KCNIP4: variants seen among roughly 807,000 people sequenced by gnomAD.
KCNIP4 encodes the protein Kv channel-interacting protein 4.
A neutral mutation model predicts 34.0 loss-of-function variants in KCNIP4; 12 were observed. The observed-to-expected ratio is 0.35, with a 90% CI of 0.23 to 0.57. KCNIP4 has a LOEUF of 0.57. KCNIP4 is among the 20% of genes least tolerant of loss of function. KCNIP4 has a pLI of 0.83. For synonymous variants in KCNIP4, 124 were observed against 102.2 expected (o/e 1.21, Z -1.29); for missense variants, 238 against 311.7 (o/e 0.76, Z 1.78).
In KCNIP4 at chr4:20,917,615, A is replaced by T. The variant is rs533162397; in HGVS notation, c.62-34906T>A. Among the ~76,000 whole-genome samples the T allele has an allele frequency of 4.5e-4, 68 of 152,294 alleles. 1 individual carries two copies. The highest frequency in any genetic ancestry group is 1.1e-3 in the African/African-American group (46 of 41,556). On this transcript the variant is annotated intron_variant, in intron 1 of 8. Transcript: ENST00000382152. ...AGATTTTTGAGAAAAAATTTTTTTT[A>T]AAATGTGCCAGGACTGAGACACTGA...
chr4:21,066,310 G>A (rs536376160), intron 1 of KCNIP4, among the ~76,000 whole-genome samples: 1 of 152,206 alleles, frequency 6.6e-6, no homozygotes, highest in Non-Finnish European at 1.5e-5. Context: ...AAGCAACATG[G>A]TCAAATAGAA....
intron 1 of KCNIP4, among the ~76,000 whole-genome samples, chr4:21,386,317 A>G (rs924715490): frequency 2.6e-5 from 4 of 152,100 alleles, no homozygotes; most frequent in East Asian, 1.9e-4. Context: ...TCTTTGTTTT[A>G]CTGTTTATGG....
At chr4:21,576,267 G>A (rs908849076) in intron 1 of KCNIP4, among the ~76,000 whole-genome samples, 5 of 152,062 alleles carry the variant, frequency 3.3e-5, no homozygotes, top group Non-Finnish European at 5.9e-5. Context: ...ATTTAAGACT[G>A]CTTCACATAA....
At chr4:21,282,934 A>C (rs578191264) in intron 1 of KCNIP4, among the ~76,000 whole-genome samples, 69 of 152,318 alleles carry the variant, frequency 4.5e-4, no homozygotes, top group Non-Finnish European at 7.2e-4. Context: ...GAGAACACCC[A>C]AATCTCCGTC....
chr4:20,986,148 G>C (rs984712011), intron 1 of KCNIP4, among the ~76,000 whole-genome samples: 5 of 152,116 alleles, frequency 3.3e-5, no homozygotes, highest in African/African-American at 9.7e-5. Context: ...AAACGACTTT[G>C]CTTTTCCCTG....
intron 1 of KCNIP4, among the ~76,000 whole-genome samples, chr4:21,325,248 GATAT>G (rs1030226846): frequency 2.1e-4 from 32 of 151,600 alleles, no homozygotes; most frequent in African/African-American, 7.0e-4. Context: ...TTTTTTCTTG[GATAT>G]TTTTTATTAC....
intron 1 of KCNIP4, among the ~76,000 whole-genome samples, chr4:21,156,592 C>G (rs1387241437): frequency 6.6e-6 from 1 of 152,118 alleles, no homozygotes; most frequent in Non-Finnish European, 1.5e-5. Context: ...GTAACTAACA[C>G]AGTAGGTGTT....
chr4:21,588,457 G>A (rs1437067331), intron 1 of KCNIP4, among the ~76,000 whole-genome samples: 3 of 151,956 alleles, frequency 2.0e-5, no homozygotes, highest in Non-Finnish European at 2.9e-5. Flanking sequence ...GGTATGTGAG[G>A]TTTACCTCCT....
At position 20,745,692 on chromosome 4, in the gene KCNIP4, A is replaced by T. The variant is rs117841768; in HGVS notation, c.429+3970T>A. Among the ~76,000 whole-genome samples the T allele has an allele frequency of 2.3e-3, 354 of 152,284 alleles. 8 individuals carry two copies. The South Asian group carries it at 0.046, about 20-fold the overall frequency. ...TCAAGGCAAAAGGAGAAAGACATAG[A>T]GATTTGACTTTATAATAGCCTAGAC... is the stretch of plus-strand genomic sequence containing the variant. On this transcript the variant is annotated intron_variant, in intron 5 of 8. Transcript: ENST00000382152.
chr4:21,775,424 G>C (rs1719109671), intron 1 of KCNIP4, among the ~76,000 whole-genome samples: 2 of 152,194 alleles, frequency 1.3e-5, no homozygotes, highest in South Asian at 4.1e-4. Flanking sequence ...ACCCCTGTTG[G>C]AAGTCCTCAC....
At chr4:21,130,834 T>C (rs769863793) in intron 1 of KCNIP4, among the ~76,000 whole-genome samples, 3 of 152,198 alleles carry the variant, frequency 2.0e-5, no homozygotes, top group Non-Finnish European at 2.9e-5. Context: ...AAGAAATGTA[T>C]AGATAATCAT....
intron 1 of KCNIP4, among the ~76,000 whole-genome samples, chr4:21,196,477 A>C (rs1334891412): frequency 6.6e-6 from 1 of 152,154 alleles, no homozygotes; most frequent in Non-Finnish European, 1.5e-5. Context: ...TTTACTTTAC[A>C]CCATGCAGAT....
At chr4:21,611,437 C>T (rs892082732) in intron 1 of KCNIP4, among the ~76,000 whole-genome samples, 3 of 152,130 alleles carry the variant, frequency 2.0e-5, no homozygotes, top group African/African-American at 7.2e-5. Context: ...ATCCAATCAC[C>T]TCCCATCAAG....
At chr4:21,304,487 G>C (rs1425340) in intron 1 of KCNIP4, 85,434 of 152,224 alleles carry the variant, frequency 0.56, 24,030 homozygotes, top group Middle Eastern at 0.69. Flanking sequence ...AGAACCCAAG[G>C]AAGGGCTGGA....
chr4:21,697,678 G>A, intron 1 of KCNIP4: 1 of 1,266,440 alleles, frequency 7.9e-7, no homozygotes, highest in Non-Finnish European at 9.9e-7. Flanking sequence ...TCTCAGTGTG[G>A]TGACCAAGTT....
chr4:20,904,198 A>T (rs961410906), intron 1 of KCNIP4, among the ~76,000 whole-genome samples: 6 of 152,054 alleles, frequency 3.9e-5, no homozygotes. Flanking sequence ...CTCTGCTCTT[A>T]TGGTCAAGTT....
intron 1 of KCNIP4, among the ~76,000 whole-genome samples, chr4:21,550,107 A>T (rs1431024911): frequency 6.6e-6 from 1 of 152,122 alleles, no homozygotes. Context: ...TTTGTCTGCT[A>T]TGAGAAAATT....
At chr4:21,224,400 T>G (rs1364911216) in intron 1 of KCNIP4, among the ~76,000 whole-genome samples, 5 of 151,648 alleles carry the variant, frequency 3.3e-5, no homozygotes, top group Non-Finnish European at 1.5e-5. Flanking sequence ...CCCACCCTCA[T>G]GACCTAATTA....
At chr4:21,859,536 G>A (rs1724945800) in intron 1 of KCNIP4, among the ~76,000 whole-genome samples, 1 of 151,882 alleles carries the variant, frequency 6.6e-6, no homozygotes, top group Non-Finnish European at 1.5e-5. Flanking sequence ...GCTGAGGCAG[G>A]AGAATGGCAT....
Sources: gnomAD v4.1 joint callset for allele counts (sites outside exome capture counted in the v4.1 genomes callset) on GRCh38, gnomAD v4.1.1 for gene constraint, MANE v1.5 for transcripts, NCBI Gene and HGNC (gene_info 2026-07-23, HGNC 2026-07-21) for gene names.